PAK5: variants seen among roughly 807,000 people sequenced by gnomAD.
PAK5 encodes the protein p21 (RAC1) activated kinase 5, also known as serine/threonine-protein kinase PAK 5.
PAK5 carries 16 observed loss-of-function variants against 65.9 expected under a neutral mutation model. The observed-to-expected ratio is 0.24, with a 90% CI of 0.16 to 0.37. PAK5 has a LOEUF of 0.37. PAK5 is among the 10% of genes least tolerant of loss of function. The pLI, the probability that PAK5 is intolerant of heterozygous loss-of-function variation, is 1.00. For synonymous variants in PAK5, 371 were observed against 354.9 expected (o/e 1.05, Z -0.51); for missense variants, 785 against 903.9 (o/e 0.87, Z 1.69).
At chr20:9,690,750 CTTTTTTT>C (rs112955560) in intron 2 of PAK5, among the ~76,000 whole-genome samples, 45 of 103,948 alleles carry the variant, frequency 4.3e-4, no homozygotes, top group Admixed American at 7.5e-4. Context: ...TTCTTTCTTT[CTTTTTTT>C]TTTTTTTTTT....
chr20:9,777,268 G>T (rs2048896527), intron 1 of PAK5, among the ~76,000 whole-genome samples: 1 of 152,186 alleles, frequency 6.6e-6, no homozygotes, highest in Non-Finnish European at 1.5e-5. Context: ...GATATGGTTT[G>T]GCTGTGTCCC....
rs138771141 is a variant in PAK5, at chr20:9,566,173, A to T, written c.1202T>A (p.Leu401Gln). ...GCTGGATGAGAGGCTGAGGGAGCTC[A>T]GGTAGGAAGCCGTGGAGATGTACTG... ...SSQYISTASY[L>Q]SSLSLSSSTY... The change falls in exon 5 of 10, where the codon CTG becomes CAG. Residue 401 changes from leucine to glutamine, a missense_variant. Physicochemically the swap from Leu to Gln is moderately radical, Grantham distance 113. Coordinates refer to ENST00000353224, the MANE Select transcript of PAK5 (RefSeq NM_177990.4). 1 of 1,613,910 alleles carries T rather than the reference A, an allele frequency of 6.2e-7. No homozygotes were observed. Among genetic ancestry groups the T allele is most frequent in the Non-Finnish European group, 8.5e-7 (1 of 1,179,964 alleles).
intron 2 of PAK5, among the ~76,000 whole-genome samples, chr20:9,667,966 T>G (rs956233583): frequency 6.6e-6 from 1 of 152,090 alleles, no homozygotes. Context: ...GAATATATGG[T>G]TAATAATTAT....
intron 1 of PAK5, among the ~76,000 whole-genome samples, chr20:9,803,390 G>T (rs950863513): frequency 6.6e-6 from 1 of 152,046 alleles, no homozygotes; most frequent in African/African-American, 2.4e-5. Flanking sequence ...ACTATAAAGG[G>T]CAATCCTCTA....
chr20:9,561,464 T>C (rs780467288), intron 6 of PAK5, among the ~76,000 whole-genome samples: 8 of 152,152 alleles, frequency 5.3e-5, no homozygotes, highest in Non-Finnish European at 8.8e-5. Context: ...GATGATCTTA[T>C]GTGTTTTTTT....
At chr20:9,641,816 G>T (rs553426665) in intron 3 of PAK5, among the ~76,000 whole-genome samples, 2 of 152,142 alleles carry the variant, frequency 1.3e-5, no homozygotes, top group Non-Finnish European at 2.9e-5. Flanking sequence ...TACACCCTCC[G>T]CAGCCACTGG....
intron 3 of PAK5, among the ~76,000 whole-genome samples, chr20:9,641,550 T>C (rs1391290724): frequency 1.3e-5 from 2 of 151,564 alleles, no homozygotes; most frequent in African/African-American, 4.8e-5. Flanking sequence ...GCACCGGGGC[T>C]GCAGGTGGAG....
rs1203012288 is a variant in PAK5, at chr20:9,607,766, C to T, written c.205-26836G>A. ...ACTTGAGCGTGGGAGGTTGAGGCTACAGTGAGATATGATCTTCATGCCACT... is the reference window on the plus strand; with the variant it reads ...ACTTGAGCGTGGGAGGTTGAGGCTATAGTGAGATATGATCTTCATGCCACT... On this transcript the variant is annotated intron_variant, in intron 3 of 9. Transcript: ENST00000353224. 2.0e-5 allele frequency among the ~76,000 whole-genome samples: 3 copies of T among 151,748 alleles called. No individual in the cohort carries two copies. The East Asian group carries it at 5.8e-4, about 29-fold the overall frequency.
intron 2 of PAK5, among the ~76,000 whole-genome samples, chr20:9,655,534 T>C (rs533463350): frequency 4.6e-5 from 7 of 152,254 alleles, no homozygotes; most frequent in African/African-American, 1.4e-4. Flanking sequence ...CATAGCATTT[T>C]ATAAAATGGA....
intron 2 of PAK5, among the ~76,000 whole-genome samples, chr20:9,678,512 A>G (rs966283852): frequency 6.6e-6 from 1 of 152,226 alleles, no homozygotes; most frequent in African/African-American, 2.4e-5. Flanking sequence ...GCTTGCAGTG[A>G]GCTGAGATTG....
chr20:9,658,906 T>C (rs1442891010), intron 2 of PAK5, among the ~76,000 whole-genome samples: 1 of 152,164 alleles, frequency 6.6e-6, no homozygotes. Context: ...GGCAGAGGAA[T>C]GCTGTAATTT....
chr20:9,625,980 C>T lies in PAK5; in HGVS notation c.204+18145G>A, dbSNP rs78952917. ...ATCATAGCATTCAGGACTGCAGGTGCCACCAGCTAATTGGGCTCACTGGGC... is the reference window on the plus strand; with the variant it reads ...ATCATAGCATTCAGGACTGCAGGTGTCACCAGCTAATTGGGCTCACTGGGC... On this transcript the variant is annotated intron_variant, in intron 3 of 9. Coordinates refer to ENST00000353224, the MANE Select transcript of PAK5 (RefSeq NM_177990.4). Among the ~76,000 whole-genome samples the T allele has an allele frequency of 5.8e-3, 889 of 152,242 alleles. 8 individuals carry two copies. Among genetic ancestry groups the T allele is most frequent in the African/African-American group, 0.02 (836 of 41,536 alleles).
chr20:9,565,515 G>A (rs1324697336), intron 5 of PAK5, among the ~76,000 whole-genome samples: 2 of 152,188 alleles, frequency 1.3e-5, no homozygotes, highest in African/African-American at 2.4e-5. Flanking sequence ...TGTAGCATAA[G>A]AGTTAGAATC....
intron 4 of PAK5, among the ~76,000 whole-genome samples, chr20:9,573,896 C>CAAT (rs765169035): frequency 4.4e-4 from 66 of 151,682 alleles, no homozygotes; most frequent in Admixed American, 5.3e-4. Context: ...TTTCAGAGCA[C>CAAT]AATAAAACAA....
chr20:9,724,770 G>C (rs376625052), intron 1 of PAK5, among the ~76,000 whole-genome samples: 1 of 152,020 alleles, frequency 6.6e-6, no homozygotes, highest in Non-Finnish European at 1.5e-5. Flanking sequence ...TCCATGTACT[G>C]ACTCAACCGG....
At chr20:9,632,412 T>C (rs1387977535) in intron 3 of PAK5, among the ~76,000 whole-genome samples, 1 of 152,200 alleles carries the variant, frequency 6.6e-6, no homozygotes, top group African/African-American at 2.4e-5. Flanking sequence ...TTGCTTCTCG[T>C]TGCATGATTT....
intron 1 of PAK5, among the ~76,000 whole-genome samples, chr20:9,740,396 C>T (rs191205362): frequency 6.3e-4 from 96 of 152,290 alleles, no homozygotes; most frequent in East Asian, 5.6e-3. Context: ...TTTGCTATCC[C>T]TAACCTGCTA....
Position 9,539,565 on chromosome 20 carries a change from G to C in PAK5, c.2057C>G (p.Ser686Cys), listed in dbSNP as rs1342037884. Residue 686 changes from serine to cysteine, a missense_variant, in exon 10 of 10, where the codon TCT (serine) becomes TGT (cysteine). Ser to Cys is a moderately radical substitution (Grantham distance 112). Transcript: ENST00000353224. ...GAGTTCCTGGGCTGTTGCTCTCTGA[G>C]AGGGCTCCCTCACCAACATCAAGTC... ...FLDLMLVREP[S>C]QRATAQELLG... 61 of 1,613,714 alleles carry C rather than the reference G, an allele frequency of 3.8e-5. No individual in the cohort carries two copies. The highest frequency in any genetic ancestry group is 5.0e-5 in the Non-Finnish European group (59 of 1,179,912).
chr20:9,639,289 T>C (rs1033392052), intron 3 of PAK5, among the ~76,000 whole-genome samples: 1 of 152,200 alleles, frequency 6.6e-6, no homozygotes. Context: ...AGGATTCTGT[T>C]TGACCACCAA....
Sources: allele counts gnomAD v4.1 joint callset (sites outside exome capture counted in the v4.1 genomes callset), GRCh38; gene constraint gnomAD v4.1.1; transcripts MANE v1.5; gene names NCBI Gene and HGNC (gene_info 2026-07-23, HGNC 2026-07-21).